Variants in FAM53A observed in about 807,000 individuals in gnomAD.
FAM53A encodes family with sequence similarity 53 member A.
Under a neutral mutation model 26.6 loss-of-function variants are expected in FAM53A, and 28 were observed. The observed-to-expected ratio is 1.05, with a 90% confidence interval of 0.78 to 1.45. The LOEUF is 1.45. FAM53A is among the 40% of genes most tolerant of loss of function. FAM53A has a pLI of 0.00. For synonymous variants in FAM53A, 290 were observed against 253.1 expected, an observed-to-expected ratio of 1.15 and a Z score of -1.38; for missense variants, 650 against 575.8, an observed-to-expected ratio of 1.13 and a Z score of -1.32.
At chr4:1,642,543 C>T (rs569733033) in intron 4 of FAM53A, among the ~76,000 whole-genome samples, 1 of 152,324 alleles carries the variant, frequency 6.6e-6, no homozygotes, top group South Asian at 2.1e-4. Context: ...TGCAAACAGT[C>T]TCCATCCACC....
At chr4:1,676,484 G>C (rs182694276) in intron 1 of FAM53A, among the ~76,000 whole-genome samples, 1 of 152,206 alleles carries the variant, frequency 6.6e-6, no homozygotes, top group Admixed American at 6.5e-5. Flanking sequence ...GTTGGGGCCG[G>C]ACCTCACTCA....
intron 1 of FAM53A, among the ~76,000 whole-genome samples, chr4:1,674,473 T>A (rs1307632513): frequency 6.6e-6 from 1 of 152,152 alleles, no homozygotes; most frequent in African/African-American, 2.4e-5. Context: ...ATCGAGGCCA[T>A]CCTGGCTAAC....
chr4:1,629,386 A>G (rs1337998235), intron 1 of FAM53A, among the ~76,000 whole-genome samples: 1 of 152,198 alleles, frequency 6.6e-6, no homozygotes, highest in African/African-American at 2.4e-5. Context: ...CCCGCCAGGG[A>G]AAGCGGAGCC....
At chr4:1,678,769 C>T (rs1428069433) in intron 1 of FAM53A, among the ~76,000 whole-genome samples, 1 of 152,032 alleles carries the variant, frequency 6.6e-6, no homozygotes, top group East Asian at 1.9e-4. Context: ...TTGCAATGAG[C>T]TGAGATCACA....
chr4:1,650,861 A>G (rs1712715634), intron 4 of FAM53A, among the ~76,000 whole-genome samples: 1 of 151,552 alleles, frequency 6.6e-6, no homozygotes, highest in Non-Finnish European at 1.5e-5. Flanking sequence ...TGCTTGTCCC[A>G]AGAAGAGGAC....
At chr4:1,613,102 CAG>C (rs1477459859), downstream of FAM53A, among the ~76,000 whole-genome samples, 1 of 152,222 alleles carries the variant, frequency 6.6e-6, no homozygotes, top group African/African-American at 2.4e-5. Context: ...CTCGGGAAAA[CAG>C]AGAACAGAGA....
At chr4:1,626,668 G>A (rs887408384) in intron 1 of FAM53A, among the ~76,000 whole-genome samples, 2 of 152,106 alleles carry the variant, frequency 1.3e-5, no homozygotes, top group Non-Finnish European at 2.9e-5. Context: ...CCTGAGCCCG[G>A]GGGGACCCGG....
chr4:1,614,407 C>T (rs1353008421), downstream of FAM53A, among the ~76,000 whole-genome samples: 1 of 123,828 alleles, frequency 8.1e-6, no homozygotes, highest in African/African-American at 3.5e-5. Flanking sequence ...CATGCAGAGA[C>T]GTGAGGGGGA....
chr4:1,600,216 G>A, the FAM53A span, among the ~76,000 whole-genome samples: 1 of 152,156 alleles, frequency 6.6e-6, no homozygotes, highest in Non-Finnish European at 1.5e-5. Context: ...AGGAGGGGGT[G>A]CCCTACTCCA....
downstream of FAM53A, chr4:1,617,905 C>T (rs1046381145): frequency 8.6e-5 from 34 of 396,112 alleles, no homozygotes; most frequent in African/African-American, 1.9e-4. Flanking sequence ...CAGGAGCAGT[C>T]GGCAGCTGCT....
upstream of FAM53A, among the ~76,000 whole-genome samples, chr4:1,684,532 G>A (rs1187620363): frequency 1.3e-5 from 2 of 151,214 alleles, no homozygotes; most frequent in African/African-American, 4.8e-5. Context: ...CCCCGCCCCC[G>A]GATCGACGCC....
chr4:1,680,271 A>G (rs1715329578), intron 1 of FAM53A, among the ~76,000 whole-genome samples: 1 of 138,696 alleles, frequency 7.2e-6, no homozygotes. Flanking sequence ...GTGAGCCGAG[A>G]TCGCACCATT....
intron 1 of FAM53A, among the ~76,000 whole-genome samples, chr4:1,679,791 A>G (rs867908881): frequency 5.9e-4 from 88 of 149,482 alleles, no homozygotes; most frequent in Non-Finnish European, 8.0e-4. Flanking sequence ...GCTCACGCCT[A>G]TAATCCCAGC....
At chr4:1,676,155 C>T (rs13127537) in intron 1 of FAM53A, among the ~76,000 whole-genome samples, 49,538 of 152,192 alleles carry the variant, frequency 0.33, 9,664 homozygotes, top group East Asian at 0.68. Context: ...AGGACAGAAA[C>T]GCACTGGCCA....
chr4:1,678,694 C>T lies in FAM53A; in HGVS notation c.-165+5539G>A, dbSNP rs1212566697. ...AAAATTAGCCAGGCGTGGTGGCGTA[C>T]ATCTGTAATCCCAGCTACTCGGGAG... On this transcript the variant is annotated intron_variant, in intron 1 of 4. Coordinates refer to ENST00000308132, the MANE Select transcript of FAM53A (RefSeq NM_001174070.3). Among the ~76,000 whole-genome samples the T allele has an allele frequency of 2.6e-5, 4 of 152,024 alleles. No individual in the cohort carries two copies. In the East Asian group the frequency reaches 7.7e-4, roughly 29 times the overall value.
the FAM53A span, among the ~76,000 whole-genome samples, chr4:1,589,883 G>A: frequency 6.6e-6 from 1 of 152,120 alleles, no homozygotes; most frequent in Non-Finnish European, 1.5e-5. Context: ...TGTTAAAAAT[G>A]TTTTCTATTT....
At chr4:1,625,433 A>G (rs13135579) in intron 1 of FAM53A, among the ~76,000 whole-genome samples, 488 of 40,718 alleles carry the variant, frequency 0.012, 63 homozygotes, top group African/African-American at 0.037. Context: ...TCAGGGTCAC[A>G]CCAGGTGATC....
the FAM53A span, among the ~76,000 whole-genome samples, chr4:1,592,137 G>T: frequency 2.0e-5 from 3 of 152,234 alleles, no homozygotes; most frequent in African/African-American, 7.2e-5. Context: ...ACGTGTTAAT[G>T]CAGCTCTCTG....
At chr4:1,586,757 T>C in the FAM53A span, among the ~76,000 whole-genome samples, 1 of 127,170 alleles carries the variant, frequency 7.9e-6, no homozygotes, top group East Asian at 2.4e-4. Flanking sequence ...CACTCCAGCC[T>C]GGGCAACAGA....
Sources: allele counts gnomAD v4.1 joint callset (sites outside exome capture counted in the v4.1 genomes callset), GRCh38; gene constraint gnomAD v4.1.1; transcripts MANE v1.5; gene names NCBI Gene and HGNC (gene_info 2026-07-23, HGNC 2026-07-21).